Variants in UST observed in about 807,000 individuals in gnomAD.
The protein encoded by UST is uronyl 2-sulfotransferase.
UST carries 21 observed loss-of-function variants against 45.6 expected under a neutral mutation model. That is an observed-to-expected ratio of 0.46 (90% CI 0.33 to 0.66). The LOEUF (loss-of-function observed/expected upper bound fraction) is 0.66. Ranked by LOEUF, UST falls within the 30% of genes least tolerant of loss-of-function variation. The pLI is 0.02. For missense variants in UST, 463 were observed against 512.4 expected (o/e 0.90, Z 0.93); for synonymous variants, 215 against 200.6 (o/e 1.07, Z -0.61).
At chr6:148,759,149 C>T (rs1181708152) in intron 1 of UST, among the ~76,000 whole-genome samples, 1 of 152,154 alleles carries the variant, frequency 6.6e-6, no homozygotes, top group East Asian at 1.9e-4. Flanking sequence ...GACCCTCATC[C>T]ATAGCAGTGT....
chr6:149,073,781 C>A, intron 7 of UST, 52 bp from the exon 8 acceptor site: 1 of 1,589,032 alleles, frequency 6.3e-7, no homozygotes, highest in Non-Finnish European at 8.6e-7. Flanking sequence ...GCCGGGATCC[C>A]TTCTAAGCTA....
chr6:148,931,324 C>T (rs1328361184), intron 2 of UST, among the ~76,000 whole-genome samples: 1 of 152,220 alleles, frequency 6.6e-6, no homozygotes, highest in Non-Finnish European at 1.5e-5. Context: ...AGAGCAGACT[C>T]TTAAACCTTA....
At chr6:148,979,508 C>A (rs1331863632) in intron 5 of UST, among the ~76,000 whole-genome samples, 6 of 152,144 alleles carry the variant, frequency 3.9e-5, no homozygotes, top group Non-Finnish European at 2.9e-5. Context: ...CTGGGAAGGT[C>A]TTTGAATGGA....
intron 1 of UST, among the ~76,000 whole-genome samples, chr6:148,840,856 G>T (rs1777874322): frequency 6.6e-6 from 1 of 152,086 alleles, no homozygotes; most frequent in Non-Finnish European, 1.5e-5. Flanking sequence ...TGGACACCCG[G>T]GTGCTCAGTC....
chr6:148,985,132 T>C (rs767154494), intron 5 of UST, among the ~76,000 whole-genome samples: 2 of 152,156 alleles, frequency 1.3e-5, no homozygotes, highest in Admixed American at 6.5e-5. Flanking sequence ...GCAGTACATA[T>C]GAATGGAGAC....
At chr6:148,765,562 C>T (rs541977660) in intron 1 of UST, among the ~76,000 whole-genome samples, 158 of 152,244 alleles carry the variant, frequency 1.0e-3, no homozygotes, top group Middle Eastern at 6.8e-3. Flanking sequence ...TTAATACAAT[C>T]GTCACAGGGT....
chr6:148,747,360 C>G lies in UST; in HGVS notation c.-71C>G, dbSNP rs1195900063. ...CCCCATGTGCAGCCGGCCAGCCGGGCTCTCCTCCTCGCGGCGGATGGGTGA... is the reference window on the plus strand; with the variant it reads ...CCCCATGTGCAGCCGGCCAGCCGGGGTCTCCTCCTCGCGGCGGATGGGTGA... On this transcript the variant is annotated 5_prime_UTR_variant, in exon 1 of 8. Coordinates refer to ENST00000367463, the MANE Select transcript of UST (RefSeq NM_005715.3). 9 of 1,360,516 alleles carry G rather than the reference C, an allele frequency of 6.6e-6. No homozygotes were observed. The highest frequency in any genetic ancestry group is 7.6e-5 in the Admixed American group (2 of 26,324). 84.3% of individuals were successfully genotyped at this position (1,360,516 alleles called of 1,614,324 possible). A position where few individuals can be genotyped will look rare whatever the true frequency, so the allele number is the denominator to read the frequency against.
chr6:149,011,890 A>G (rs956378726), intron 5 of UST, among the ~76,000 whole-genome samples: 10 of 141,526 alleles, frequency 7.1e-5, no homozygotes, highest in African/African-American at 2.7e-4. Flanking sequence ...TTAAGGATTT[A>G]CTTAACTCAT....
At position 149,054,213 on chromosome 6, in the gene UST, A is replaced by G. The variant is rs17081836; in HGVS notation, c.938-19620A>G. Among the ~76,000 whole-genome samples, 283 of 152,364 alleles carry G rather than the reference A, an allele frequency of 1.9e-3. 10 individuals are homozygous for G. In the East Asian group the frequency reaches 0.048, roughly 26 times the overall value. On this transcript the variant is annotated intron_variant, in intron 7 of 7. Coordinates refer to ENST00000367463, the MANE Select transcript of UST (RefSeq NM_005715.3). ...TTAAATCTACCCAAAGAAGAGCCAAAGAGCTTTCACTTGCTTTCCCTTCTA... is the reference window on the plus strand; with the variant it reads ...TTAAATCTACCCAAAGAAGAGCCAAGGAGCTTTCACTTGCTTTCCCTTCTA...
chr6:148,853,160 G>A (rs901362992), intron 1 of UST, among the ~76,000 whole-genome samples: 6 of 151,934 alleles, frequency 3.9e-5, no homozygotes, highest in Non-Finnish European at 5.9e-5. Flanking sequence ...CTGTGTCCAC[G>A]TGTTCTCACT....
At chr6:148,826,255 G>A (rs1562269269) in intron 1 of UST, among the ~76,000 whole-genome samples, 1 of 152,180 alleles carries the variant, frequency 6.6e-6, no homozygotes, top group Non-Finnish European at 1.5e-5. Context: ...TGGTACTACA[G>A]GCATGTGCCA....
At chr6:148,918,781 CT>C (rs1032758181) in intron 2 of UST, among the ~76,000 whole-genome samples, 8 of 152,094 alleles carry the variant, frequency 5.3e-5, no homozygotes, top group Non-Finnish European at 1.2e-4. Context: ...TAGGCACATC[CT>C]TTTTTCTTTA....
intron 5 of UST, among the ~76,000 whole-genome samples, chr6:149,001,979 A>C (rs1411235861): frequency 6.6e-6 from 1 of 152,206 alleles, no homozygotes; most frequent in Non-Finnish European, 1.5e-5. Flanking sequence ...TGTTAAAAAA[A>C]ATTTAATGAC....
intron 3 of UST, among the ~76,000 whole-genome samples, chr6:148,952,023 A>C (rs531965301): frequency 2.6e-4 from 39 of 152,316 alleles, no homozygotes; most frequent in African/African-American, 9.4e-4. Flanking sequence ...CTGTTCTTCC[A>C]GTTTTCTTGT....
rs114942766 is a variant in UST at position 149,011,991 on chromosome 6, T to C, written c.682-7148T>C. ...ATCTGCCATCCTGCCATCAGACACA[T>C]AGCCATAAACTCAGAAGTAGTGTAA... is the stretch of plus-strand genomic sequence containing the variant. On this transcript the variant is annotated intron_variant, in intron 5 of 7. Transcript: ENST00000367463. Among the ~76,000 whole-genome samples the C allele has an allele frequency of 4.8e-3, 726 of 152,338 alleles. 8 individuals are homozygous for C. The highest frequency in any genetic ancestry group is 0.016 in the African/African-American group (670 of 41,576).
At chr6:148,753,263 A>G (rs1294095309) in intron 1 of UST, among the ~76,000 whole-genome samples, 1 of 152,198 alleles carries the variant, frequency 6.6e-6, no homozygotes, top group Non-Finnish European at 1.5e-5. Flanking sequence ...ACAAGGAGAA[A>G]CGCCATACCC....
At chr6:148,935,303 A>G (rs17666460) in intron 2 of UST, among the ~76,000 whole-genome samples, 10,149 of 152,356 alleles carry the variant, frequency 0.067, 489 homozygotes, top group Middle Eastern at 0.1. Context: ...GCCATAAAAT[A>G]GAAATCACAG....
At position 148,809,327 on chromosome 6, in the gene UST, T is replaced by G. The variant is rs565356587; in HGVS notation, c.247+61650T>G. ...CTTAAAACCTTAGTTTTTTGTTTTT[T>G]TTTTTTTTCTCACCTGCTTTTCTTG... On this transcript the variant is annotated intron_variant, in intron 1 of 7. Coordinates refer to ENST00000367463, the MANE Select transcript of UST (RefSeq NM_005715.3). Among the ~76,000 whole-genome samples the G allele has an allele frequency of 1.6e-3, 246 of 152,188 alleles. 2 individuals are homozygous for G. Among genetic ancestry groups the G allele is most frequent in the Non-Finnish European group, 2.4e-3 (162 of 67,962 alleles).
intron 1 of UST, among the ~76,000 whole-genome samples, chr6:148,806,909 C>A (rs957702705): frequency 6.6e-6 from 1 of 152,182 alleles, no homozygotes; most frequent in African/African-American, 2.4e-5. Context: ...GCGGCATTAA[C>A]CTATTCATGA....
Sources: allele counts gnomAD v4.1 joint callset (sites outside exome capture counted in the v4.1 genomes callset), GRCh38; gene constraint gnomAD v4.1.1; transcripts MANE v1.5; gene names NCBI Gene and HGNC (gene_info 2026-07-23, HGNC 2026-07-21).